The following NEDD1 variants were observed in gnomAD, a reference collection of about 807,000 sequenced individuals.
NEDD1 encodes the protein protein NEDD1.
In NEDD1, 33 loss-of-function variants were observed where a neutral mutation model predicts 74.0. The observed-to-expected ratio is 0.45, with a 90% CI of 0.34 to 0.60. The LOEUF (loss-of-function observed/expected upper bound fraction) is 0.60. NEDD1 is among the 20% of genes least tolerant of loss of function. NEDD1 has a pLI of 0.01. For synonymous variants in NEDD1, 250 were observed against 264.4 expected (o/e 0.95, Z 0.53); for missense variants, 746 against 776.5 (o/e 0.96, Z 0.47).
Position 96,945,788 on chromosome 12 carries a change from T to C in NEDD1, c.1750T>C (p.Leu584=), listed in dbSNP as rs1191709880. The change falls in exon 14 of 16, where the codon TTG becomes CTG. Residue 584 remains leucine (L), a synonymous_variant. Transcript: ENST00000266742. ...TGGAAATAACCGGCAAAATGCACCA[T>C]TGACTTCCATTCAAATTCGTTTTAT... is the stretch of plus-strand genomic sequence containing the variant. The part of the protein sequence containing the change: ...SIGNNRQNAP[L]TSIQIRFIQN... 2 of 1,611,854 alleles carry C rather than the reference T, an allele frequency of 1.2e-6. No individual in the cohort carries two copies. The highest frequency in any genetic ancestry group is 1.3e-5 in the African/African-American group (1 of 74,870).
rs534706481 is a variant in NEDD1 at position 96,925,933 on chromosome 12, A to G, written c.489+5808A>G. On this transcript the variant is annotated intron_variant, in intron 6 of 15. Transcript: ENST00000266742. ...CATTTATTTGGAGAGCACTAGGAGTAAAGCACCTTAGCTAGCTCAGTGAAC... is the reference window on the plus strand; with the variant it reads ...CATTTATTTGGAGAGCACTAGGAGTGAAGCACCTTAGCTAGCTCAGTGAAC... 2.0e-5 allele frequency among the ~76,000 whole-genome samples: 3 copies of G among 152,306 alleles called. No homozygotes were observed. The South Asian group carries it at 6.2e-4, about 32-fold the overall frequency.
intron 3 of NEDD1, 92 bp downstream of exon 3, chr12:96,909,987 C>T (rs147061088): frequency 5.0e-4 from 688 of 1,368,934 alleles, no homozygotes; most frequent in Non-Finnish European, 6.3e-4. Context: ...GCATGTGCCT[C>T]ATACTGAGTA....
rs1360473749 is a variant in NEDD1 at position 96,935,240 on chromosome 12, CAA to C, written c.719+37_719+38del. 3.4e-6 allele frequency: 4 copies of C among 1,186,694 alleles called. No individual in the cohort carries two copies. In the African/African-American group the frequency reaches 6.0e-5, roughly 18 times the overall value. The allele number at this position is 1,186,694 out of a possible 1,614,324, so 73.5% of individuals were successfully genotyped here. On this transcript the variant is annotated intron_variant, in intron 7 of 15. Transcript: ENST00000266742. ...ACATGCTTATTTCTTAATTTAGTAA[CAA>C]ATAGCTATTATTCCATTAACAGGCA...
chr12:96,909,655 G>A (rs941340792), intron 2 of NEDD1, 97 bp from the exon 3 acceptor site: 1 of 929,622 alleles, frequency 1.1e-6, no homozygotes, highest in Non-Finnish European at 1.6e-6. Context: ...AAAAATGAAT[G>A]AGTTAGAGCC....
At chr12:96,914,732 T>A (rs1874266343) in intron 4 of NEDD1, among the ~76,000 whole-genome samples, 1 of 152,198 alleles carries the variant, frequency 6.6e-6, no homozygotes. Flanking sequence ...TCTTTGATTT[T>A]GTATTTCACC....
chr12:96,945,055 A>AATTATT (rs1233172752), intron 13 of NEDD1, among the ~76,000 whole-genome samples: 1 of 150,736 alleles, frequency 6.6e-6, no homozygotes, highest in Non-Finnish European at 1.5e-5. Flanking sequence ...GTAGAGATAG[A>AATTATT]ATTATTATGT....
chr12:96,951,834 C>T, intron 15 of NEDD1, 115 bp from the exon 16 acceptor site: 1 of 625,210 alleles, frequency 1.6e-6, no homozygotes, highest in African/African-American at 1.9e-5. Flanking sequence ...CAAGAAATAT[C>T]ATTCACCTAG....
chr12:96,937,021 TTTTTAAAAGTA>T (rs990660786), intron 8 of NEDD1, among the ~76,000 whole-genome samples, 166 bp from the exon 9 acceptor site: 1 of 152,036 alleles, frequency 6.6e-6, no homozygotes, highest in African/African-American at 2.4e-5. Context: ...TATATCTCTC[TTTTTAAAAGTA>T]TTTTAAAAGA....
Position 96,936,828 on chromosome 12 carries a change from T to C in NEDD1, c.921+16T>C. 1.3e-6 allele frequency: 2 copies of C among 1,486,940 alleles called. No individual in the cohort carries two copies. The highest frequency in any genetic ancestry group is 1.9e-6 in the Non-Finnish European group (2 of 1,072,202). The allele number at this position is 1,486,940 out of a possible 1,614,324, so 92.1% of individuals were successfully genotyped here. A position where few individuals can be genotyped will look rare whatever the true frequency, so the allele number is the denominator to read the frequency against. On this transcript the variant is annotated intron_variant, in intron 8 of 15. Transcript: ENST00000266742. Reference sequence around the variant, plus strand: ...TCTTACTAAGGTGAGACATTTTCTTTTCAGCATTTTTTATTTTATTAAATA... The same window carrying C: ...TCTTACTAAGGTGAGACATTTTCTTCTCAGCATTTTTTATTTTATTAAATA...
intron 11 of NEDD1, among the ~76,000 whole-genome samples, chr12:96,943,267 A>G (rs569326464): frequency 8.5e-5 from 13 of 152,182 alleles, no homozygotes; most frequent in Admixed American, 7.9e-4. Flanking sequence ...TGACTAAAAC[A>G]TTGTGTTTTG....
At position 96,933,674 on chromosome 12, in the gene NEDD1, T is replaced by C. The variant is rs533112564; in HGVS notation, c.490-1302T>C. Reference sequence around the variant, plus strand: ...CTAATAACTCCTTTTTGTTTTTTTTTCTTAGCATTTGGTTTCTGTATTTCC... The same window carrying C: ...CTAATAACTCCTTTTTGTTTTTTTTCCTTAGCATTTGGTTTCTGTATTTCC... On this transcript the variant is annotated intron_variant, in intron 6 of 15. Transcript: ENST00000266742. Among the ~76,000 whole-genome samples the C allele has an allele frequency of 3.9e-5, 6 of 152,296 alleles. No individual in the cohort carries two copies. In the South Asian group the frequency reaches 1.2e-3, roughly 32 times the overall value.
At chr12:96,938,323 A>G (rs1459729560) in intron 9 of NEDD1, among the ~76,000 whole-genome samples, 2 of 152,112 alleles carry the variant, frequency 1.3e-5, no homozygotes, top group East Asian at 1.9e-4. Flanking sequence ...TCCTGGAGAC[A>G]AAGACAACTG....
chr12:96,939,757 T>C (rs1186445707), intron 9 of NEDD1, among the ~76,000 whole-genome samples: 1 of 152,030 alleles, frequency 6.6e-6, no homozygotes, highest in South Asian at 2.1e-4. Context: ...AAAAATAAAC[T>C]GCTGCCGTCT....
At chr12:96,948,094 G>A (rs543037403) in intron 14 of NEDD1, among the ~76,000 whole-genome samples, 2 of 152,242 alleles carry the variant, frequency 1.3e-5, no homozygotes, top group East Asian at 3.9e-4. Context: ...CTCTTTCTCA[G>A]CCATCCTCCC....
rs1444044114 is a variant in NEDD1, at chr12:96,936,820, A to G, written c.921+8A>G. ...TCCACTGTTCTTACTAAGGTGAGAC[A>G]TTTTCTTTTCAGCATTTTTTATTTT... On this transcript the variant is annotated splice_region_variant and intron_variant, in intron 8 of 15. Coordinates refer to ENST00000266742, the MANE Select transcript of NEDD1 (RefSeq NM_152905.4). 5 of 1,552,896 alleles carry G rather than the reference A, an allele frequency of 3.2e-6. No homozygotes were observed. Among genetic ancestry groups the G allele is most frequent in the Non-Finnish European group, 4.4e-6 (5 of 1,130,828 alleles).
At chr12:96,946,111 T>A (rs1321302812) in intron 14 of NEDD1, among the ~76,000 whole-genome samples, 1 of 152,120 alleles carries the variant, frequency 6.6e-6, no homozygotes, top group Non-Finnish European at 1.5e-5. Context: ...GTGAACTTTT[T>A]TTATTATTAA....
rs1877766439 is a variant in NEDD1 at position 96,942,588 on chromosome 12, A to T, written c.1258A>T (p.Asn420Tyr). The change falls in exon 11 of 16, where the codon AAC (asparagine) becomes TAC (tyrosine). Residue 420 changes from asparagine (N) to tyrosine (Y), a missense_variant. Physicochemically the swap from Asn to Tyr is moderately radical, Grantham distance 143 (BLOSUM62 -2). Coordinates refer to ENST00000266742, the MANE Select transcript of NEDD1 (RefSeq NM_152905.4). ...FSPIRDDAVV[N>Y]KGSDESIGKG... ...CTAATTTGTTATAGATGCTGTAGTT[A>T]ACAAGGGAAGTGATGAGTCCATAGG... The T allele has an allele frequency of 2.7e-6, 4 of 1,507,636 alleles. No homozygotes were observed. In the East Asian group the frequency reaches 9.0e-5, roughly 34 times the overall value. The allele number at this position is 1,507,636 out of a possible 1,614,324, so 93.4% of individuals were successfully genotyped here. A position where few individuals can be genotyped will look rare whatever the true frequency, so the allele number is the denominator to read the frequency against.
chr12:96,940,579 A>G, intron 10 of NEDD1, 42 bp downstream of exon 10: 1 of 1,454,982 alleles, frequency 6.9e-7, no homozygotes, highest in Non-Finnish European at 9.4e-7. Context: ...CTGGTAGTTA[A>G]TATTTTTATT....
intron 13 of NEDD1, 52 bp from the exon 14 acceptor site, chr12:96,945,641 A>G (rs1490614756): frequency 2.3e-5 from 26 of 1,107,220 alleles, no homozygotes; most frequent in Non-Finnish European, 3.2e-5. Context: ...GAAATGTTTG[A>G]TGTCTCTCAG....
Sources: allele counts gnomAD v4.1 joint callset (sites outside exome capture counted in the v4.1 genomes callset), GRCh38; gene constraint gnomAD v4.1.1; transcripts MANE v1.5; gene names NCBI Gene and HGNC (gene_info 2026-07-23, HGNC 2026-07-21).